MALRD1: variants seen among roughly 807,000 people sequenced by gnomAD.
MALRD1 encodes MAM and LDL receptor class A domain containing 1, also known as MAM and LDL-receptor class A domain-containing protein 1.
A neutral mutation model predicts 242.1 loss-of-function variants in MALRD1; 247 were observed. The ratio of observed to expected loss-of-function variants is 1.02; its 90% CI spans 0.92 to 1.13. The LOEUF is 1.13. Ranked by LOEUF, MALRD1 falls within the 50% of genes most tolerant of loss-of-function variation. The pLI, the probability that MALRD1 is intolerant of heterozygous loss-of-function variation, is 0.00. For synonymous variants in MALRD1, 995 were observed against 866.6 expected, an observed-to-expected ratio of 1.15 and a Z score of -2.60; for missense variants, 2,989 against 2,533.1, an observed-to-expected ratio of 1.18 and a Z score of -3.86.
At chr10:19,544,363 T>C (rs1278181075) in intron 32 of MALRD1, among the ~76,000 whole-genome samples, 2 of 152,010 alleles carry the variant, frequency 1.3e-5, no homozygotes, top group Admixed American at 1.3e-4. Context: ...AATTTTTGTA[T>C]TTTTAGTAGA....
chr10:19,546,905 G>C (rs141678496), intron 32 of MALRD1, among the ~76,000 whole-genome samples: 66 of 152,242 alleles, frequency 4.3e-4, no homozygotes, highest in African/African-American at 1.5e-3. Context: ...CCAGAAATGA[G>C]TTTTCTAAAT....
chr10:19,192,158 T>G (rs1364933571), intron 14 of MALRD1, among the ~76,000 whole-genome samples: 3 of 152,120 alleles, frequency 2.0e-5, no homozygotes, highest in East Asian at 3.8e-4. Context: ...GAAAGTAGAA[T>G]GGTAGATTCC....
chr10:19,209,628 G>A lies in MALRD1; in HGVS notation c.2939G>A (p.Gly980Asp). ...QLLWQIFGNQ[G>D]NRWIRKHLNI... is the part of the protein sequence containing the mutation. ...CTGTGGCAGATATTTGGGAATCAAG[G>A]CAACAGATGGATTAGGAAACACCTC... The change falls in exon 18 of 40, where the codon GGC becomes GAC. Residue 980 changes from glycine to aspartate, a missense_variant. Physicochemically the swap from Gly to Asp is moderately conservative, Grantham distance 94 (BLOSUM62 -1). Coordinates refer to ENST00000454679, the MANE Select transcript of MALRD1 (RefSeq NM_001142308.3). The A allele has an allele frequency of 1.3e-6, 2 of 1,551,018 alleles. No homozygotes were observed. The highest frequency in any genetic ancestry group is 1.7e-6 in the Non-Finnish European group (2 of 1,147,066).
At chr10:19,088,569 T>TG (rs889403059) in intron 4 of MALRD1, among the ~76,000 whole-genome samples, 1 of 90,208 alleles carries the variant, frequency 1.1e-5, no homozygotes, top group Admixed American at 1.2e-4. Context: ...TAAAGTTTTT[T>TG]TTTATTTATT....
At position 19,535,508 on chromosome 10, in the gene MALRD1, C is replaced by CACATATATACATGTGTATATGTATAT. The variant is rs1480394026; in HGVS notation, c.5478+4165_5478+4190dup. 9.8e-4 allele frequency among the ~76,000 whole-genome samples: 145 copies of CACATATATACATGTGTATATGTATAT among 148,210 alleles called. No individual in the cohort carries two copies. In the Middle Eastern group the frequency reaches 0.015, roughly 15 times the overall value. On this transcript the variant is annotated intron_variant, in intron 32 of 39. Transcript: ENST00000454679. ...GCATATACATATACACATATATATA[C>CACATATATACATGTGTATATGTATAT]ACATATATACATGTGTATATGTATA...
chr10:19,278,511 A>G (rs1199658705), intron 19 of MALRD1, among the ~76,000 whole-genome samples: 1 of 152,082 alleles, frequency 6.6e-6, no homozygotes, highest in African/African-American at 2.4e-5. Flanking sequence ...CTGTCCATCT[A>G]TCCATCCATT....
At chr10:19,464,199 G>A (rs992085955) in intron 29 of MALRD1, among the ~76,000 whole-genome samples, 4 of 152,134 alleles carry the variant, frequency 2.6e-5, no homozygotes, top group Admixed American at 2.6e-4. Context: ...CTTTTGCTAT[G>A]CAGCAGCTCT....
chr10:19,312,378 G>GTATATATA lies in MALRD1; in HGVS notation c.3420-11555_3420-11548dup, dbSNP rs112120220. Among the ~76,000 whole-genome samples, 774 of 137,388 alleles carry GTATATATA rather than the reference G, an allele frequency of 5.6e-3. 2 individuals carry two copies. Among genetic ancestry groups the GTATATATA allele is most frequent in the African/African-American group, 0.014 (495 of 36,568 alleles). The allele number at this position is 137,388 out of a possible 152,430, so 90.1% of individuals were successfully genotyped here. Reference sequence around the variant, plus strand: ...TTCAGTACAGGGCACAGAGGAATGTGTATATATATATATATATATATATGT... The same window carrying GTATATATA: ...TTCAGTACAGGGCACAGAGGAATGTGTATATATATATATATATATATATATATATATGT... On this transcript the variant is annotated intron_variant, in intron 21 of 39. Transcript: ENST00000454679.
intron 29 of MALRD1, among the ~76,000 whole-genome samples, chr10:19,478,639 G>A (rs900364765): frequency 6.6e-6 from 1 of 152,066 alleles, no homozygotes; most frequent in Admixed American, 6.6e-5. Context: ...CTCAAAAAGA[G>A]CATTTATTAT....
intron 24 of MALRD1, among the ~76,000 whole-genome samples, chr10:19,344,837 A>G (rs1475781481): frequency 6.6e-6 from 1 of 151,994 alleles, no homozygotes; most frequent in Non-Finnish European, 1.5e-5. Flanking sequence ...TTTTCAGCCT[A>G]CAAATTTTGT....
intron 36 of MALRD1, among the ~76,000 whole-genome samples, chr10:19,646,737 A>C (rs991172898): frequency 6.6e-6 from 1 of 152,142 alleles, no homozygotes; most frequent in Admixed American, 6.6e-5. Flanking sequence ...TGTCTGGCAA[A>C]TGTGTGCTTT....
At chr10:19,378,163 G>T (rs928665724) in intron 26 of MALRD1, among the ~76,000 whole-genome samples, 3 of 152,040 alleles carry the variant, frequency 2.0e-5, no homozygotes, top group African/African-American at 4.8e-5. Flanking sequence ...CTATATGAAA[G>T]CTACCTCTCT....
At position 19,136,619 on chromosome 10, in the gene MALRD1, C is replaced by G; in HGVS notation, c.1249C>G (p.Leu417Val). 8.1e-7 allele frequency: 1 copy of G among 1,231,584 alleles called. No homozygotes were observed. The highest frequency in any genetic ancestry group is 1.0e-6 in the Non-Finnish European group (1 of 987,928). The allele number at this position is 1,231,584 out of a possible 1,614,324, so 76.3% of individuals were successfully genotyped here. ...TLLSQRSFIA[L>V]DHLWVYACGQ... ...TTTGAGCCAGAGAAGTTTTATTGCCCTTGATCACCTCTGGGTCTATGCCTG... is the reference window on the plus strand; with the variant it reads ...TTTGAGCCAGAGAAGTTTTATTGCCGTTGATCACCTCTGGGTCTATGCCTG... Residue 417 changes from leucine to valine, a missense_variant, in exon 10 of 40, where the codon CTT (leucine) becomes GTT (valine). Coordinates refer to ENST00000454679, the MANE Select transcript of MALRD1 (RefSeq NM_001142308.3).
chr10:19,222,920 G>GT (rs1465932420), intron 18 of MALRD1, among the ~76,000 whole-genome samples: 3 of 152,148 alleles, frequency 2.0e-5, no homozygotes, highest in African/African-American at 7.2e-5. Context: ...GATGATTGCT[G>GT]TATCTTGATT....
intron 11 of MALRD1, among the ~76,000 whole-genome samples, chr10:19,148,868 G>A (rs1162783483): frequency 6.7e-6 from 1 of 148,248 alleles, no homozygotes; most frequent in Non-Finnish European, 1.5e-5. Context: ...ACCTTAAAGA[G>A]AATCAGTAGT....
chr10:19,194,157 T>TA (rs1836125925), intron 14 of MALRD1, among the ~76,000 whole-genome samples: 1 of 152,180 alleles, frequency 6.6e-6, no homozygotes, highest in Non-Finnish European at 1.5e-5. Flanking sequence ...AGCTGACTAA[T>TA]ACAATTTCAC....
At chr10:19,177,779 C>T (rs539014281) in intron 14 of MALRD1, among the ~76,000 whole-genome samples, 2 of 152,216 alleles carry the variant, frequency 1.3e-5, no homozygotes, top group African/African-American at 2.4e-5. Context: ...CCAATGGTAA[C>T]AGACTGAGCA....
At chr10:19,180,012 G>A (rs1389815874) in intron 14 of MALRD1, among the ~76,000 whole-genome samples, 1 of 152,134 alleles carries the variant, frequency 6.6e-6, no homozygotes. Flanking sequence ...GTCTGTTGGT[G>A]GATAAGCTTT....
intron 32 of MALRD1, among the ~76,000 whole-genome samples, chr10:19,537,398 G>T (rs1385313455): frequency 1.3e-5 from 2 of 150,786 alleles, no homozygotes; most frequent in Non-Finnish European, 2.9e-5. Context: ...AGTTCTGGAG[G>T]CTGCGAAGTC....
Sources: allele counts gnomAD v4.1 joint callset (sites outside exome capture counted in the v4.1 genomes callset), GRCh38; gene constraint gnomAD v4.1.1; transcripts MANE v1.5; gene names NCBI Gene and HGNC (gene_info 2026-07-23, HGNC 2026-07-21).